ARFGEF3: variants seen among roughly 807,000 people sequenced by gnomAD.
ARFGEF3 encodes brefeldin A-inhibited guanine nucleotide-exchange protein 3.
ARFGEF3 carries 96 observed loss-of-function variants against 221.7 expected under a neutral mutation model. The observed-to-expected ratio is 0.43, with a 90% confidence interval of 0.37 to 0.51. The LOEUF is 0.51. Ranked by LOEUF, ARFGEF3 falls within the 20% of genes least tolerant of loss-of-function variation. The pLI, the probability that ARFGEF3 is intolerant of heterozygous loss-of-function variation, is 0.00. For synonymous variants in ARFGEF3, 1,145 were observed against 1,126.8 expected, an observed-to-expected ratio of 1.02 and a Z score of -0.32; for missense variants, 2,410 against 2,789.9, an observed-to-expected ratio of 0.86 and a Z score of 3.07.
chr6:138,174,469 T>TAAAAAAAAAAAAAA (rs35236693), intron 2 of ARFGEF3, among the ~76,000 whole-genome samples: 2 of 25,302 alleles, frequency 7.9e-5, no homozygotes, highest in African/African-American at 2.8e-4. Flanking sequence ...GAGCATCTGC[T>TAAAAAAAAAAAAAA]AAAAAAAAAA....
At chr6:138,175,153 G>A (rs987780740) in intron 2 of ARFGEF3, among the ~76,000 whole-genome samples, 1 of 152,200 alleles carries the variant, frequency 6.6e-6, no homozygotes, top group African/African-American at 2.4e-5. Context: ...GATGTGGTGA[G>A]CAACAAGGGT....
rs541159383 is a variant in ARFGEF3 at position 138,230,682 on chromosome 6, A to T, written c.420+830A>T. 3.3e-5 allele frequency among the ~76,000 whole-genome samples: 5 copies of T among 152,336 alleles called. No individual in the cohort carries two copies. In the East Asian group the frequency reaches 9.6e-4, roughly 29 times the overall value. ...AAACAGTGAAAATTAAGAGAAAATT[A>T]TTTTTGAGCGTGTAGAAAATTTTTA... On this transcript the variant is annotated intron_variant, in intron 5 of 33. Coordinates refer to ENST00000251691, the MANE Select transcript of ARFGEF3 (RefSeq NM_020340.5).
In ARFGEF3 at chr6:138,280,175, C is replaced by A; in HGVS notation, c.2461+11C>A. ...TCACAATGCTGACCGGTCAGTGGTT[C>A]GTTGCAAGGCCTTGGGGCACGTGGT... On this transcript the variant is annotated intron_variant, in intron 14 of 33. Coordinates refer to ENST00000251691, the MANE Select transcript of ARFGEF3 (RefSeq NM_020340.5). The A allele has an allele frequency of 1.2e-6, 2 of 1,612,720 alleles. No individual in the cohort carries two copies. Among genetic ancestry groups the A allele is most frequent in the South Asian group, 1.1e-5 (1 of 90,822 alleles).
chr6:138,211,620 A>G (rs1451340061), intron 4 of ARFGEF3, among the ~76,000 whole-genome samples: 1 of 152,190 alleles, frequency 6.6e-6, no homozygotes, highest in Non-Finnish European at 1.5e-5. Flanking sequence ...TTGGTGTCAT[A>G]CTAAGAGATG....
In ARFGEF3 at chr6:138,342,231, G is replaced by A. The variant is rs536077753; in HGVS notation, c.*5745G>A. ...GCTCATGGTCAGAGTTCCCAGTTAA[G>A]TAAATCAGGAAATTTGTATTTCTAA... On this transcript the variant is annotated 3_prime_UTR_variant, in exon 34 of 34. Coordinates refer to ENST00000251691, the MANE Select transcript of ARFGEF3 (RefSeq NM_020340.5). The A allele has an allele frequency of 1.3e-5, 2 of 152,252 alleles. No individual in the cohort carries two copies. Among genetic ancestry groups the A allele is most frequent in the East Asian group, 3.9e-4 (2 of 5,188 alleles). 9.4% of individuals were successfully genotyped at this position (152,252 alleles called of 1,614,324 possible).
chr6:138,197,798 C>T (rs1460214800), intron 2 of ARFGEF3, among the ~76,000 whole-genome samples: 1 of 152,134 alleles, frequency 6.6e-6, no homozygotes, highest in Non-Finnish European at 1.5e-5. Context: ...GATGGCACTT[C>T]CGTGACTCAA....
chr6:138,216,358 T>C (rs972790330), intron 4 of ARFGEF3: 2 of 152,224 alleles, frequency 1.3e-5, no homozygotes, highest in Non-Finnish European at 2.9e-5. Context: ...TTACTATTTG[T>C]ATGGCTGGTA....
chr6:138,209,210 C>T (rs1209025624), intron 3 of ARFGEF3, among the ~76,000 whole-genome samples: 5 of 152,016 alleles, frequency 3.3e-5, no homozygotes, highest in African/African-American at 1.2e-4. Context: ...AGATAAAAAC[C>T]TGAAAAATGA....
chr6:138,260,092 C>T (rs1009673324), intron 10 of ARFGEF3, among the ~76,000 whole-genome samples: 5 of 152,100 alleles, frequency 3.3e-5, no homozygotes, highest in African/African-American at 4.8e-5. Context: ...GGTCCAGCCA[C>T]GGGGCTGCAG....
rs187322188 is a variant in ARFGEF3 at position 138,334,378 on chromosome 6, C to T, written c.5532C>T (p.Asp1844=). The change falls in exon 33 of 34, where the codon GAC becomes GAT. Residue 1844 remains aspartate, a synonymous_variant. Transcript: ENST00000251691. This position sits in a 1 kb window ranked among gnomAD's most constrained non-coding sequence, Gnocchi z 5.1. ...AEQVKKVLFE[D]DERSTDSSQQ... ...AAGTGAAGAAGGTCCTTTTTGAGGA[C>T]GACGAGAGAAGCACGGATTCTTCCC... The T allele has an allele frequency of 1.7e-5, 27 of 1,613,282 alleles. No homozygotes were observed. The highest frequency in any genetic ancestry group is 6.7e-5 in the Admixed American group (4 of 59,930).
Position 138,313,958 on chromosome 6 carries a change from C to T in ARFGEF3, c.4345+19C>T, listed in dbSNP as rs1465416719. 6.2e-7 allele frequency: 1 copy of T among 1,612,062 alleles called. No individual in the cohort carries two copies. The highest frequency in any genetic ancestry group is 8.5e-7 in the Non-Finnish European group (1 of 1,178,864). On this transcript the variant is annotated intron_variant, in intron 26 of 33. Coordinates refer to ENST00000251691, the MANE Select transcript of ARFGEF3 (RefSeq NM_020340.5). The stretch of plus-strand genomic sequence containing the variant: ...GACACCGGTAAGCTAATTGATTGGA[C>T]TAAACTAGGTTATTTGCTGTGTTCA...
At chr6:138,232,043 T>C (rs1013618526) in intron 5 of ARFGEF3, among the ~76,000 whole-genome samples, 3 of 152,236 alleles carry the variant, frequency 2.0e-5, no homozygotes, top group African/African-American at 7.2e-5. Flanking sequence ...ATGAAATCAT[T>C]ACTAAAACTC....
At chr6:138,247,590 T>C (rs939631205) in intron 8 of ARFGEF3, among the ~76,000 whole-genome samples, 2 of 152,172 alleles carry the variant, frequency 1.3e-5, no homozygotes, top group Non-Finnish European at 2.9e-5. Flanking sequence ...AAGAGTGGTG[T>C]TTAATCACTA....
At chr6:138,335,602 T>C (rs1463450139) in intron 33 of ARFGEF3, among the ~76,000 whole-genome samples, 1 of 151,386 alleles carries the variant, frequency 6.6e-6, no homozygotes, top group Non-Finnish European at 1.5e-5. Context: ...CCCAGCTACT[T>C]GGGAGGCTGA....
chr6:138,192,848 G>C (rs953139759), intron 2 of ARFGEF3, among the ~76,000 whole-genome samples: 1 of 152,206 alleles, frequency 6.6e-6, no homozygotes, highest in African/African-American at 2.4e-5. Context: ...GAGGTGAAAT[G>C]CTTAGCACAC....
chr6:138,341,442 G>A lies in ARFGEF3; in HGVS notation c.*4956G>A, dbSNP rs1188301419. 6.5e-6 allele frequency: 1 copy of A among 154,830 alleles called. No individual in the cohort carries two copies. The highest frequency in any genetic ancestry group is 6.5e-5 in the Admixed American group (1 of 15,282). 9.6% of individuals were successfully genotyped at this position (154,830 alleles called of 1,614,324 possible). A position where few individuals can be genotyped will look rare whatever the true frequency, so the allele number is the denominator to read the frequency against. ...TTTACAGACAAGGTAACAGGCAGAA[G>A]GAAAATCCAGAGTCTTGCAGTAAGC... On this transcript the variant is annotated 3_prime_UTR_variant, in exon 34 of 34. Transcript: ENST00000251691.
At chr6:138,221,145 C>A (rs1777975958) in intron 4 of ARFGEF3, among the ~76,000 whole-genome samples, 1 of 152,106 alleles carries the variant, frequency 6.6e-6, no homozygotes, top group Non-Finnish European at 1.5e-5. Context: ...TAAGGTCTTT[C>A]ATTTTCTAGC....
At chr6:138,326,793 A>T (rs989625234) in intron 31 of ARFGEF3, among the ~76,000 whole-genome samples, 1 of 152,242 alleles carries the variant, frequency 6.6e-6, no homozygotes, top group Non-Finnish European at 1.5e-5. Context: ...TCATTCTCTT[A>T]TAAAGATACA....
At chr6:138,254,385 C>G (rs1226141422) in intron 9 of ARFGEF3, among the ~76,000 whole-genome samples, 1 of 150,184 alleles carries the variant, frequency 6.7e-6, no homozygotes, top group Non-Finnish European at 1.5e-5. Context: ...AGCCACTGCA[C>G]TCCAGCCTGG....
Sources: allele counts gnomAD v4.1 joint callset (sites outside exome capture counted in the v4.1 genomes callset), GRCh38; gene constraint gnomAD v4.1.1; non-coding constraint Gnocchi (gnomAD v3.1); transcripts MANE v1.5; gene names NCBI Gene and HGNC (gene_info 2026-07-23, HGNC 2026-07-21).